The following SENP7 variants were observed in gnomAD, a reference collection of about 807,000 sequenced individuals.
The protein encoded by SENP7 is sentrin-specific protease 7.
In SENP7, 64 loss-of-function variants were observed where a neutral mutation model predicts 141.2. That is an observed-to-expected ratio of 0.45 (90% CI 0.37 to 0.56). SENP7 has a LOEUF of 0.56. SENP7 is among the 20% of genes least tolerant of loss of function. The pLI, the probability that SENP7 is intolerant of heterozygous loss-of-function variation, is 0.00. For missense variants in SENP7, 1,025 were observed against 1,212.2 expected (o/e 0.85, Z 2.29); for synonymous variants, 382 against 426.4 (o/e 0.90, Z 1.28).
intron 9 of SENP7, 67 bp from the exon 10 acceptor site, chr3:101,365,058 A>G (rs906811828): frequency 4.2e-5 from 46 of 1,094,666 alleles, no homozygotes; most frequent in South Asian, 9.8e-5. Flanking sequence ...TTTGAGACAC[A>G]GTCTCCCCAT....
At chr3:101,377,697 C>T (rs1342417102) in intron 6 of SENP7, among the ~76,000 whole-genome samples, 1 of 152,150 alleles carries the variant, frequency 6.6e-6, no homozygotes, top group Non-Finnish European at 1.5e-5. Context: ...CCTAATCAAG[C>T]AGGGGAAATA....
In SENP7 at chr3:101,324,725, G is replaced by A. The variant is rs568238471; in HGVS notation, c.*1218C>T. 1.6e-4 allele frequency: 25 copies of A among 152,100 alleles called. 1 individual carries two copies. The highest frequency in any genetic ancestry group is 1.1e-3 in the Admixed American group (17 of 15,232). The allele number at this position is 152,100 out of a possible 1,614,324, so 9.4% of individuals were successfully genotyped here. On this transcript the variant is annotated 3_prime_UTR_variant, in exon 24 of 24. Coordinates refer to ENST00000394095, the MANE Select transcript of SENP7 (RefSeq NM_020654.5). ...CTTCACTGCTTTATGTAGTTATAAT[G>A]TAAATCTAAGAGATGCTTAAAACAG...
intron 4 of SENP7, among the ~76,000 whole-genome samples, chr3:101,422,835 T>C (rs1031285076): frequency 1.3e-5 from 2 of 152,030 alleles, no homozygotes; most frequent in Admixed American, 6.6e-5. Context: ...AAATAACATG[T>C]TTGCCTATGA....
chr3:101,332,076 T>C lies in SENP7; in HGVS notation c.2607A>G (p.Pro869=), dbSNP rs780236955. 4 of 1,613,266 alleles carry C rather than the reference T, an allele frequency of 2.5e-6. No homozygotes were observed. Among genetic ancestry groups the C allele is most frequent in the East Asian group, 2.2e-5 (1 of 44,772 alleles). The change falls in exon 19 of 24, where the codon CCA becomes CCG. Residue 869 remains proline, a synonymous_variant. Coordinates refer to ENST00000394095, the MANE Select transcript of SENP7 (RefSeq NM_020654.5). ...CTTCATACACAGCTTCTTCTAACCA[T>C]GGAAAACAAATGACTGCGAGATACC... ...SHWYLAVICF[P]WLEEAVYEDF...
Position 101,391,466 on chromosome 3 carries a change from T to C in SENP7, c.677+7395A>G, listed in dbSNP as rs897506718. Reference sequence around the variant, plus strand: ...TTAGAGGATATTATGAACAAGTATATGCCAGCAAACTGGAAAATCTCAAGG... The same window carrying C: ...TTAGAGGATATTATGAACAAGTATACGCCAGCAAACTGGAAAATCTCAAGG... On this transcript the variant is annotated intron_variant, in intron 6 of 23. Coordinates refer to ENST00000394095, the MANE Select transcript of SENP7 (RefSeq NM_020654.5). Among the ~76,000 whole-genome samples the C allele has an allele frequency of 2.0e-5, 3 of 151,946 alleles. No individual in the cohort carries two copies. The East Asian group carries it at 5.8e-4, about 29-fold the overall frequency.
intron 3 of SENP7, among the ~76,000 whole-genome samples, chr3:101,464,142 T>C (rs535348076): frequency 3.7e-4 from 56 of 152,238 alleles, no homozygotes; most frequent in African/African-American, 1.3e-3. Context: ...AGCTTTAAAG[T>C]GGCTATTATA....
Position 101,463,396 on chromosome 3 carries a change from T to C in SENP7, c.187-4344A>G, listed in dbSNP as rs28377797. 5.7e-3 allele frequency among the ~76,000 whole-genome samples: 471 copies of C among 82,808 alleles called. 8 individuals carry two copies. Among genetic ancestry groups the C allele is most frequent in the African/African-American group, 0.021 (355 of 16,784 alleles). The allele number at this position is 82,808 out of a possible 152,430, so 54.3% of individuals were successfully genotyped here. The stretch of plus-strand genomic sequence containing the variant: ...ATATATATATATATATATATATATA[T>C]ACATATATATATATATATATACACA... On this transcript the variant is annotated intron_variant, in intron 3 of 23. Transcript: ENST00000394095.
chr3:101,370,976 T>C (rs1437013366), intron 7 of SENP7, among the ~76,000 whole-genome samples: 7 of 152,208 alleles, frequency 4.6e-5, no homozygotes, highest in Non-Finnish European at 1.0e-4. Flanking sequence ...GTATTGTGAA[T>C]AACTTATGAA....
At chr3:101,414,652 A>G (rs1376412683) in intron 5 of SENP7, 2 of 1,435,038 alleles carry the variant, frequency 1.4e-6, no homozygotes, top group African/African-American at 1.4e-5. Flanking sequence ...GCCAGTGGCC[A>G]TGGGGGCTGA....
intron 20 of SENP7, among the ~76,000 whole-genome samples, chr3:101,328,998 G>T (rs2058975718): frequency 6.6e-6 from 1 of 152,100 alleles, no homozygotes; most frequent in Non-Finnish European, 1.5e-5. Context: ...AATTTAACGT[G>T]TCTTTACATA....
chr3:101,365,680 T>G (rs1183182672), intron 9 of SENP7, among the ~76,000 whole-genome samples: 1 of 151,754 alleles, frequency 6.6e-6, no homozygotes, highest in Non-Finnish European at 1.5e-5. Flanking sequence ...TAATGCAATT[T>G]ATTTTTAATA....
intron 4 of SENP7, among the ~76,000 whole-genome samples, chr3:101,454,668 G>C (rs866863929): frequency 1.3e-5 from 2 of 152,104 alleles, no homozygotes; most frequent in Non-Finnish European, 2.9e-5. Context: ...GGTATAAAAA[G>C]AAATGAAATA....
chr3:101,363,966 C>T (rs557310390), intron 10 of SENP7, among the ~76,000 whole-genome samples: 7 of 152,298 alleles, frequency 4.6e-5, no homozygotes, highest in African/African-American at 1.4e-4. Context: ...GCATGTGATC[C>T]TAGCACTTTG....
intron 4 of SENP7, among the ~76,000 whole-genome samples, chr3:101,444,852 C>T (rs948544565): frequency 1.3e-5 from 2 of 151,500 alleles, no homozygotes; most frequent in African/African-American, 4.9e-5. Flanking sequence ...TGTAACTAAC[C>T]TGCACATTGT....
At chr3:101,417,462 C>T in intron 5 of SENP7, 131 bp downstream of exon 5, 2 of 694,068 alleles carry the variant, frequency 2.9e-6, no homozygotes. Context: ...TTAAGATTTG[C>T]TTTAGAGTGT....
At chr3:101,368,588 G>C (rs1310738718) in intron 7 of SENP7, among the ~76,000 whole-genome samples, 1 of 116,716 alleles carries the variant, frequency 8.6e-6, no homozygotes, top group Admixed American at 9.3e-5. Context: ...GGTGGGGGGT[G>C]GGGGGAGGGG....
intron 6 of SENP7, among the ~76,000 whole-genome samples, chr3:101,373,791 A>T (rs2060244148): frequency 6.6e-6 from 1 of 152,194 alleles, no homozygotes; most frequent in Non-Finnish European, 1.5e-5. Context: ...AGTTTTTTGC[A>T]GAATATGACA....
intron 14 of SENP7, among the ~76,000 whole-genome samples, chr3:101,342,859 T>A (rs2059362910): frequency 6.6e-6 from 1 of 152,046 alleles, no homozygotes; most frequent in South Asian, 2.1e-4. Context: ...AGAGACAGGA[T>A]TTCACCATGT....
chr3:101,333,870 G>A (rs1576809303), intron 17 of SENP7, among the ~76,000 whole-genome samples: 1 of 152,136 alleles, frequency 6.6e-6, no homozygotes, highest in South Asian at 2.1e-4. Context: ...AACCTTTTTG[G>A]CACCAGGGAC....
Sources: allele counts gnomAD v4.1 joint callset (sites outside exome capture counted in the v4.1 genomes callset), GRCh38; gene constraint gnomAD v4.1.1; transcripts MANE v1.5; gene names NCBI Gene and HGNC (gene_info 2026-07-23, HGNC 2026-07-21).